Variants in SLC43A2 observed in about 807,000 individuals in gnomAD.
SLC43A2 encodes the protein large neutral amino acids transporter small subunit 4.
A neutral mutation model predicts 63.2 loss-of-function variants in SLC43A2; 38 were observed. The ratio of observed to expected loss-of-function variants is 0.60; its 90% CI spans 0.46 to 0.79. The LOEUF (loss-of-function observed/expected upper bound fraction) is 0.79. SLC43A2 is among the 30% of genes least tolerant of loss of function. The pLI, the probability that SLC43A2 is intolerant of heterozygous loss-of-function variation, is 0.00. For synonymous variants in SLC43A2, 322 were observed against 331.0 expected (o/e 0.97, Z 0.30); for missense variants, 644 against 756.2 (o/e 0.85, Z 1.74).
At chr17:1,591,028 G>A (rs1904718111) in intron 8 of SLC43A2, 80 bp from the exon 9 acceptor site, 3 of 1,454,234 alleles carry the variant, frequency 2.1e-6, no homozygotes, top group Non-Finnish European at 2.8e-6. Context: ...CCTCCACGCT[G>A]GAGGCCAGGA....
intron 2 of SLC43A2, among the ~76,000 whole-genome samples, chr17:1,624,430 T>C (rs1158864730): frequency 6.7e-6 from 1 of 150,176 alleles, no homozygotes; most frequent in Non-Finnish European, 1.5e-5. Flanking sequence ...TGACCGGGCG[T>C]GGTGGCTCAC....
At position 1,575,504 on chromosome 17, in the gene SLC43A2, C is replaced by T. The variant is rs1253152713; in HGVS notation, c.*100G>A. ...GGGAGCGTGAACGCTGGCACGGAGA[C>T]GGCGAAGGTCCTGGGGGTGCGTGGG... On this transcript the variant is annotated 3_prime_UTR_variant, in exon 14 of 14. Coordinates refer to ENST00000301335, the MANE Select transcript of SLC43A2 (RefSeq NM_152346.3). 5.3e-5 allele frequency: 79 copies of T among 1,488,616 alleles called. No homozygotes were observed. The highest frequency in any genetic ancestry group is 6.5e-5 in the Non-Finnish European group (70 of 1,072,662). The allele number at this position is 1,488,616 out of a possible 1,614,324, so 92.2% of individuals were successfully genotyped here.
At chr17:1,601,735 C>T (rs1269624070) in intron 5 of SLC43A2, among the ~76,000 whole-genome samples, 1 of 150,464 alleles carries the variant, frequency 6.6e-6, no homozygotes, top group Middle Eastern at 3.3e-3. Flanking sequence ...TCCCGAAGGT[C>T]CAAACCAATG....
At chr17:1,626,905 G>A (rs565868431) in intron 2 of SLC43A2, among the ~76,000 whole-genome samples, 1 of 152,180 alleles carries the variant, frequency 6.6e-6, no homozygotes, top group East Asian at 1.9e-4. Context: ...TGGCCCTCCT[G>A]TGGGGCTGAA....
chr17:1,583,364 G>A lies in SLC43A2; in HGVS notation c.1218-28C>T. ...GTGGAGACACAGAACGTGCAGGGGT[G>A]GGAGGGCTCCCCGGAGGAAGCCGGG... On this transcript the variant is annotated intron_variant, in intron 10 of 13. Transcript: ENST00000301335. The surrounding 1 kb of genome is among the most constrained non-coding windows in gnomAD (Gnocchi z 5.5). 1 of 1,609,616 alleles carries A rather than the reference G, an allele frequency of 6.2e-7. No individual in the cohort carries two copies. Among genetic ancestry groups the A allele is most frequent in the African/African-American group, 1.3e-5 (1 of 74,976 alleles).
intron 2 of SLC43A2, among the ~76,000 whole-genome samples, chr17:1,617,415 G>T (rs1401581975): frequency 6.6e-6 from 1 of 151,820 alleles, no homozygotes; most frequent in African/African-American, 2.4e-5. Flanking sequence ...TTTTGAGGCG[G>T]AGTCTCACTC....
chr17:1,602,245 G>A (rs1030820440), intron 5 of SLC43A2, among the ~76,000 whole-genome samples: 3 of 152,194 alleles, frequency 2.0e-5, no homozygotes, highest in East Asian at 3.9e-4. Flanking sequence ...GGATTCCAGC[G>A]ATCCTTCCAC....
intron 11 of SLC43A2, among the ~76,000 whole-genome samples, chr17:1,579,761 C>T (rs12940386): frequency 0.44 from 66,562 of 151,656 alleles, 15,417 homozygotes; most frequent in African/African-American, 0.55. Context: ...CACCTGAGCT[C>T]GGGAAGTCAA....
chr17:1,596,040 G>A (rs2151052045), intron 5 of SLC43A2, among the ~76,000 whole-genome samples: 1 of 152,334 alleles, frequency 6.6e-6, no homozygotes, highest in African/African-American at 2.4e-5. Flanking sequence ...TGAAAAGAGA[G>A]CCGGGCGCGG....
At chr17:1,623,895 T>C (rs1908410332) in intron 2 of SLC43A2, among the ~76,000 whole-genome samples, 1 of 151,156 alleles carries the variant, frequency 6.6e-6, no homozygotes, top group African/African-American at 2.4e-5. Flanking sequence ...TACCCTCCTC[T>C]CCTGAATCAC....
intron 11 of SLC43A2, among the ~76,000 whole-genome samples, chr17:1,580,785 C>T (rs996490127): frequency 2.9e-4 from 44 of 149,308 alleles, no homozygotes; most frequent in Non-Finnish European, 1.9e-4. Context: ...GGCTGGAGTG[C>T]ACTGGTGCAA....
At chr17:1,627,463 C>T (rs1908756533) in intron 2 of SLC43A2, among the ~76,000 whole-genome samples, 1 of 152,198 alleles carries the variant, frequency 6.6e-6, no homozygotes, top group Non-Finnish European at 1.5e-5. Context: ...AGGTGGGGTT[C>T]TGGGTGGATG....
At chr17:1,624,661 C>T (rs1598500399) in intron 2 of SLC43A2, among the ~76,000 whole-genome samples, 1 of 152,140 alleles carries the variant, frequency 6.6e-6, no homozygotes, top group East Asian at 1.9e-4. Context: ...AAGGCTGAGG[C>T]AGGAGGATCG....
chr17:1,576,140 G>A (rs569522632), intron 13 of SLC43A2, among the ~76,000 whole-genome samples: 318 of 145,620 alleles, frequency 2.2e-3, no homozygotes, highest in African/African-American at 7.5e-3. Flanking sequence ...CTGGAGTGCA[G>A]TGGCGCAATC....
chr17:1,627,526 G>A (rs949492241), intron 2 of SLC43A2, among the ~76,000 whole-genome samples, 189 bp downstream of exon 2: 1 of 152,188 alleles, frequency 6.6e-6, no homozygotes, highest in African/African-American at 2.4e-5. Context: ...GAGCCTCGAT[G>A]TCTTCGTCCA....
chr17:1,617,205 G>A (rs1048289217), intron 2 of SLC43A2, among the ~76,000 whole-genome samples: 7 of 152,144 alleles, frequency 4.6e-5, no homozygotes, highest in Non-Finnish European at 8.8e-5. Context: ...AGCTATGTCC[G>A]TGGGGACAGA....
intron 4 of SLC43A2, among the ~76,000 whole-genome samples, chr17:1,614,302 T>C (rs1412038402): frequency 6.6e-6 from 1 of 151,936 alleles, no homozygotes; most frequent in Non-Finnish European, 1.5e-5. Flanking sequence ...TCCCAGCTAC[T>C]CTGGAGGCTG....
chr17:1,594,680 C>T lies in SLC43A2; in HGVS notation c.502-1401G>A, dbSNP rs573683865. Among the ~76,000 whole-genome samples the T allele has an allele frequency of 4.7e-4, 69 of 146,978 alleles. 1 individual carries two copies. The highest frequency in any genetic ancestry group is 4.0e-3 in the Admixed American group (59 of 14,710). On this transcript the variant is annotated intron_variant, in intron 5 of 13. Transcript: ENST00000301335. ...TCGGCTCACTGCAAGCTCCGCCTCC[C>T]AGGTTCACGCCATTCTCCTGCCTCA...
rs530702250 is a variant in SLC43A2 at position 1,595,450 on chromosome 17, GTTT to G, written c.502-2174_502-2172del. 3.8e-4 allele frequency among the ~76,000 whole-genome samples: 56 copies of G among 148,484 alleles called. 1 individual carries two copies. The South Asian group carries it at 0.012, about 31-fold the overall frequency. On this transcript the variant is annotated intron_variant, in intron 5 of 13. Coordinates refer to ENST00000301335, the MANE Select transcript of SLC43A2 (RefSeq NM_152346.3). ...CCACGCCACCATGCCCCAGCTAGTG[GTTT>G]TTTTTTTGGAGGCAGGGTATCGCTC...
Sources: allele counts gnomAD v4.1 joint callset (sites outside exome capture counted in the v4.1 genomes callset), GRCh38; gene constraint gnomAD v4.1.1; non-coding constraint Gnocchi (gnomAD v3.1); transcripts MANE v1.5; gene names NCBI Gene and HGNC (gene_info 2026-07-23, HGNC 2026-07-21).